Variants in NEO1 observed in about 807,000 individuals in gnomAD.
The protein encoded by NEO1 is neogenin.
Under a neutral mutation model 159.7 loss-of-function variants are expected in NEO1, and 63 were observed. The observed-to-expected ratio is 0.39, with a 90% CI of 0.32 to 0.49. NEO1 has a LOEUF of 0.49. Among genes scored for constraint, NEO1 ranks in the 20% least tolerant of loss-of-function variants. NEO1 has a pLI of 0.85. For synonymous variants in NEO1, 633 were observed against 662.0 expected (o/e 0.96, Z 0.67); for missense variants, 1,615 against 1,831.0 (o/e 0.88, Z 2.15).
intron 2 of NEO1, among the ~76,000 whole-genome samples, chr15:73,119,923 G>C (rs556665755): frequency 1.3e-5 from 2 of 152,162 alleles, no homozygotes; most frequent in Non-Finnish European, 2.9e-5. Context: ...GATCACCTGA[G>C]GTCAGGAGTT....
At chr15:73,083,808 A>G (rs752754759) in intron 1 of NEO1, among the ~76,000 whole-genome samples, 14 of 152,258 alleles carry the variant, frequency 9.2e-5, no homozygotes, top group African/African-American at 1.4e-4. Context: ...CTGTAAAGTG[A>G]GGATAACAAT....
intron 11 of NEO1, among the ~76,000 whole-genome samples, chr15:73,250,720 G>C (rs1485607208): frequency 1.3e-5 from 2 of 151,856 alleles, no homozygotes; most frequent in Non-Finnish European, 2.9e-5. Flanking sequence ...AAAAGGTTGA[G>C]GAATCATTCT....
chr15:73,064,615 C>T (rs1273210056), intron 1 of NEO1, among the ~76,000 whole-genome samples: 1 of 152,136 alleles, frequency 6.6e-6, no homozygotes, highest in Non-Finnish European at 1.5e-5. Flanking sequence ...CAGGTGCACA[C>T]CACCATGCCC....
chr15:73,198,793 C>A (rs2036686475), intron 7 of NEO1, among the ~76,000 whole-genome samples: 1 of 151,676 alleles, frequency 6.6e-6, no homozygotes, highest in Non-Finnish European at 1.5e-5. Context: ...TTTTTGAGTT[C>A]AATGTGCTTT....
At position 73,270,089 on chromosome 15, in the gene NEO1, G is replaced by A. The variant is rs765613073; in HGVS notation, c.2574G>A (p.Val858=). Reference sequence around the variant, plus strand: ...ATCCCACTCCCATGATGCCACCAGTGGGAGTTCAGGCTTCCATTCTGAGTC... The same window carrying A: ...ATCCCACTCCCATGATGCCACCAGTAGGAGTTCAGGCTTCCATTCTGAGTC... ...VPDPTPMMPP[V]GVQASILSHD... The change falls in exon 17 of 29, where the codon GTG becomes GTA. Residue 858 remains valine, a synonymous_variant. Transcript: ENST00000261908. The A allele has an allele frequency of 5.0e-6, 8 of 1,614,126 alleles. No individual in the cohort carries two copies. Among genetic ancestry groups the A allele is most frequent in the Non-Finnish European group, 6.8e-6 (8 of 1,180,022 alleles).
At chr15:73,158,237 AT>A (rs887960407) in intron 5 of NEO1, among the ~76,000 whole-genome samples, 1 of 92,034 alleles carries the variant, frequency 1.1e-5, no homozygotes, top group African/African-American at 3.6e-5. Flanking sequence ...TTTTTTTACA[AT>A]TTTTTCTTCT....
At chr15:73,260,595 G>T (rs1263304647) in intron 15 of NEO1, 130 bp downstream of exon 15, 3 of 816,416 alleles carry the variant, frequency 3.7e-6, no homozygotes, top group Non-Finnish European at 5.5e-6. Context: ...TTATTCACCT[G>T]AATTCCCCAA....
In NEO1 at chr15:73,301,428, A is replaced by T. The variant is rs372921202; in HGVS notation, c.4273A>T (p.Thr1425Ser). 5.6e-6 allele frequency: 9 copies of T among 1,613,984 alleles called. No individual in the cohort carries two copies. Among genetic ancestry groups the T allele is most frequent in the Non-Finnish European group, 6.8e-6 (8 of 1,180,022 alleles). The change falls in exon 28 of 29, where the codon ACC (threonine) becomes TCC (serine). Residue 1425 changes from threonine (T) to serine (S), a missense_variant. Physicochemically the swap from Thr to Ser is moderately conservative, Grantham distance 58. This residue lies in a region of NEO1 where 471 missense variants were observed against 498.9 expected (regional missense o/e 0.94). Coordinates refer to ENST00000261908, the MANE Select transcript of NEO1 (RefSeq NM_002499.4). ...TCCCAGTGCCCCTGAAGTGCAGGAG[A>T]CCACAAGGATGTTGGAAGACTCCGA... is the stretch of plus-strand genomic sequence containing the variant. ...VVPSAPEVQE[T>S]TRMLEDSESS...
Position 73,302,864 on chromosome 15 carries a change from G to GCCTT in NEO1, c.*171_*174dup, listed in dbSNP as rs1168578329. Reference sequence around the variant, plus strand: ...GGGCTGGCTCCAGGCATGGCCACCTGCCTTCCCCTGGTCAGCCTGGAAGAA... The same window carrying GCCTT: ...GGGCTGGCTCCAGGCATGGCCACCTGCCTTCCTTCCCCTGGTCAGCCTGGAAGAA... On this transcript the variant is annotated 3_prime_UTR_variant, in exon 29 of 29. Coordinates refer to ENST00000261908, the MANE Select transcript of NEO1 (RefSeq NM_002499.4). 3.4e-6 allele frequency: 2 copies of GCCTT among 588,664 alleles called. No individual in the cohort carries two copies. The highest frequency in any genetic ancestry group is 6.0e-6 in the Non-Finnish European group (2 of 331,362). The allele number at this position is 588,664 out of a possible 1,614,324, so 36.5% of individuals were successfully genotyped here. A position where few individuals can be genotyped will look rare whatever the true frequency, so the allele number is the denominator to read the frequency against.
intron 1 of NEO1, among the ~76,000 whole-genome samples, chr15:73,087,177 G>C (rs953953016): frequency 6.6e-6 from 1 of 152,066 alleles, no homozygotes; most frequent in Non-Finnish European, 1.5e-5. Context: ...CTCCCATTCT[G>C]TTCCTAGTTT....
At chr15:73,222,768 T>G (rs987384716) in intron 7 of NEO1, among the ~76,000 whole-genome samples, 1 of 152,208 alleles carries the variant, frequency 6.6e-6, no homozygotes, top group African/African-American at 2.4e-5. Context: ...TTTGTTTGTT[T>G]CAGTTTCATT....
chr15:73,207,266 T>TA (rs980183748), intron 7 of NEO1, among the ~76,000 whole-genome samples: 5 of 152,248 alleles, frequency 3.3e-5, no homozygotes, highest in African/African-American at 1.2e-4. Flanking sequence ...TAGATATTGT[T>TA]ACTATTTGTA....
At chr15:73,273,723 A>G (rs1253252499) in intron 19 of NEO1, 88 bp from the exon 20 acceptor site, 4 of 870,722 alleles carry the variant, frequency 4.6e-6, no homozygotes, top group Admixed American at 4.8e-5. Flanking sequence ...TATAATATTC[A>G]TATGATATAA....
intron 16 of NEO1, among the ~76,000 whole-genome samples, chr15:73,268,064 T>A (rs974916468): frequency 6.6e-6 from 1 of 152,310 alleles, no homozygotes. Context: ...CTACTGCCAT[T>A]AGACCCAGAA....
chr15:73,220,483 A>AGATT (rs945944517), intron 7 of NEO1, among the ~76,000 whole-genome samples: 6 of 152,080 alleles, frequency 3.9e-5, no homozygotes, highest in Admixed American at 3.9e-4. Context: ...CTGCCTTGCT[A>AGATT]GATTGGGGAA....
chr15:73,107,025 T>G lies in NEO1; in HGVS notation c.131-9515T>G, dbSNP rs139862577. On this transcript the variant is annotated intron_variant, in intron 1 of 28. Coordinates refer to ENST00000261908, the MANE Select transcript of NEO1 (RefSeq NM_002499.4). ...TTTACAAACTCTTTTGTAGTGACTT[T>G]CTAAACCAATAAGATGAAATAGATT... Among the ~76,000 whole-genome samples the G allele has an allele frequency of 1.5e-3, 236 of 152,328 alleles. 1 individual carries two copies. The highest frequency in any genetic ancestry group is 5.4e-3 in the African/African-American group (224 of 41,578).
chr15:73,167,488 G>A (rs912611303), intron 5 of NEO1, among the ~76,000 whole-genome samples: 1 of 152,112 alleles, frequency 6.6e-6, no homozygotes, highest in Non-Finnish European at 1.5e-5. Context: ...AGGCCCATAG[G>A]CCCCTCAAGG....
intron 5 of NEO1, among the ~76,000 whole-genome samples, chr15:73,163,250 T>G (rs2034318536): frequency 6.6e-6 from 1 of 152,208 alleles, no homozygotes; most frequent in South Asian, 2.1e-4. Flanking sequence ...TATATTTCAT[T>G]CTAATAGTTT....
chr15:73,273,345 G>C (rs2041261369), intron 19 of NEO1, among the ~76,000 whole-genome samples: 1 of 152,176 alleles, frequency 6.6e-6, no homozygotes, highest in African/African-American at 2.4e-5. Flanking sequence ...GCTTTCAGTA[G>C]GAATCTCTTT....
Sources: gnomAD v4.1 joint callset for allele counts (sites outside exome capture counted in the v4.1 genomes callset) on GRCh38, gnomAD v4.1.1 for gene constraint, gnomAD v4.1.1 regional missense constraint, MANE v1.5 for transcripts, NCBI Gene and HGNC (gene_info 2026-07-23, HGNC 2026-07-21) for gene names.